BPTF: variants seen among roughly 807,000 people sequenced by gnomAD.
The protein encoded by BPTF is bromodomain PHD finger transcription factor, also known as nucleosome-remodeling factor subunit BPTF.
In BPTF, 18 loss-of-function variants were observed where a neutral mutation model predicts 292.5. The observed-to-expected ratio is 0.06, with a 90% CI of 0.04 to 0.09. The LOEUF is 0.09. Among genes scored for constraint, BPTF ranks in the 10% least tolerant of loss-of-function variants. The probability of loss-of-function intolerance (pLI) is 1.00; values close to 1 mark genes in which losing one functional copy is unlikely to be tolerated. For missense variants in BPTF, 2,726 were observed against 3,498.7 expected, an observed-to-expected ratio of 0.78 and a Z score of 5.57; for synonymous variants, 1,225 against 1,251.9, an observed-to-expected ratio of 0.98 and a Z score of 0.45.
At chr17:67,956,662 T>TAAAAAAAAA (rs76958906) in intron 23 of BPTF, 1 of 108,070 alleles carries the variant, frequency 9.3e-6, no homozygotes, top group Non-Finnish European at 1.9e-5. Context: ...CAGTTCTACT[T>TAAAAAAAAA]AAAAAAAAAA....
chr17:67,870,496 C>T (rs8080440), intron 3 of BPTF, among the ~76,000 whole-genome samples: 3,887 of 152,174 alleles, frequency 0.026, 187 homozygotes, highest in African/African-American at 0.088. Flanking sequence ...GATTAAAACA[C>T]CAGTTCACCA....
At position 67,911,600 on chromosome 17, in the gene BPTF, A is replaced by T; in HGVS notation, c.3716A>T (p.Gln1239Leu). 6.2e-7 allele frequency: 1 copy of T among 1,614,192 alleles called. No individual in the cohort carries two copies. The highest frequency in any genetic ancestry group is 8.5e-7 in the Non-Finnish European group (1 of 1,180,040). Residue 1239 changes from glutamine to leucine, a missense_variant, in exon 11 of 28, where the codon CAG becomes CTG. Around this residue, in one of 22 missense-constraint regions of BPTF, gnomAD observed 713 missense variants for 714.9 expected, o/e 1.00. Transcript: ENST00000306378. ...TGTAAGAACAAAAAACCGCTCATACAGGAGGAAAGTGACACCATTGTTTCT... is the reference window on the plus strand; with the variant it reads ...TGTAAGAACAAAAAACCGCTCATACTGGAGGAAAGTGACACCATTGTTTCT... ...LICKNKKPLI[Q>L]EESDTIVSSS...
chr17:67,935,880 A>G (rs895918645), intron 18 of BPTF, among the ~76,000 whole-genome samples: 1 of 152,202 alleles, frequency 6.6e-6, no homozygotes, highest in Non-Finnish European at 1.5e-5. Flanking sequence ...TTGTATAGGT[A>G]TCCTTGTAGT....
intron 1 of BPTF, among the ~76,000 whole-genome samples, chr17:67,833,085 C>G (rs1404418473): frequency 6.6e-6 from 1 of 152,056 alleles, no homozygotes; most frequent in African/African-American, 2.4e-5. Context: ...GCGTGAGCCA[C>G]TGCGCCCCGC....
intron 3 of BPTF, among the ~76,000 whole-genome samples, chr17:67,872,654 C>T (rs180983724): frequency 4.4e-4 from 66 of 150,988 alleles, no homozygotes; most frequent in African/African-American, 1.6e-3. Context: ...TGCAGTGAGT[C>T]GAGATCACGC....
chr17:67,974,297 A>C (rs1019635559), intron 26 of BPTF: 7 of 152,072 alleles, frequency 4.6e-5, no homozygotes, highest in Admixed American at 6.6e-5. Context: ...AGCAAAAAAA[A>C]AAACAAACTT....
At position 67,825,892 on chromosome 17, in the gene BPTF, T is replaced by G. The variant is rs1258133314; in HGVS notation, c.168T>G (p.Ala56=). ...SSRGRWAAAQ[A]EVAPKTRLSS... is the part of the protein sequence containing the mutation. ...GGGGCAGGTGGGCCGCCGCCCAGGC[T>G]GAGGTGGCGCCCAAGACGCGGCTGA... is the stretch of plus-strand genomic sequence containing the variant. The change falls in exon 1 of 28, where the codon GCT becomes GCG. Residue 56 remains alanine (A), a synonymous_variant. Coordinates refer to ENST00000306378, the MANE Select transcript of BPTF (RefSeq NM_182641.4). 2.0e-6 allele frequency: 2 copies of G among 1,014,758 alleles called. No individual in the cohort carries two copies. The highest frequency in any genetic ancestry group is 1.9e-4 in the East Asian group (2 of 10,508). The allele number at this position is 1,014,758 out of a possible 1,614,324, so 62.9% of individuals were successfully genotyped here. A position where few individuals can be genotyped will look rare whatever the true frequency, so the allele number is the denominator to read the frequency against.
rs1568074369 is a variant in BPTF at position 67,920,020 on chromosome 17, T to G, written c.5434T>G (p.Ser1812Ala). The change falls in exon 13 of 28, where the codon TCC becomes GCC. Residue 1812 changes from serine to alanine, a missense_variant. By Grantham distance (99) the Ser-to-Ala change is moderately conservative. Transcript: ENST00000306378. ...PGGGTTRTET[S>A]ETEITTTEII... is the part of the protein sequence containing the mutation. ...ATTGAATTAAATCACCATAGAAACA[T>G]CCGAAACTGAAATCACAACAACAGA... 3 of 1,609,820 alleles carry G rather than the reference T, an allele frequency of 1.9e-6. No individual in the cohort carries two copies. Among genetic ancestry groups the G allele is most frequent in the Non-Finnish European group, 2.5e-6 (3 of 1,177,786 alleles).
intron 18 of BPTF, among the ~76,000 whole-genome samples, chr17:67,935,974 A>G (rs890477642): frequency 8.5e-5 from 13 of 152,194 alleles, no homozygotes; most frequent in African/African-American, 3.1e-4. Flanking sequence ...GTGCTTATAA[A>G]TTGAATGTCT....
At chr17:67,841,749 T>G (rs1034559443) in intron 1 of BPTF, among the ~76,000 whole-genome samples, 4 of 152,268 alleles carry the variant, frequency 2.6e-5, no homozygotes, top group African/African-American at 9.6e-5. Flanking sequence ...TCTTTTAAAT[T>G]TAATCTGACA....
At chr17:67,961,803 GTC>G (rs2067524435) in intron 24 of BPTF, among the ~76,000 whole-genome samples, 1 of 151,994 alleles carries the variant, frequency 6.6e-6, no homozygotes, top group African/African-American at 2.4e-5. Flanking sequence ...GCAAAACCCT[GTC>G]TCTACTAAAA....
In BPTF at chr17:67,911,234, G is replaced by A. The variant is rs376335246; in HGVS notation, c.3350G>A (p.Ser1117Asn). ...ACGAAAGCAAAAGAAGGGTGTCAGA[G>A]TGACTCGATGAGACAAGAACAGAGC... ...VITKAKEGCQ[S>N]DSMRQEQSPN... The change falls in exon 11 of 28, where the codon AGT (serine) becomes AAT (asparagine). Residue 1117 changes from serine (S) to asparagine (N), a missense_variant. Ser to Asn is a conservative substitution (Grantham distance 46). Around this residue, in one of 22 missense-constraint regions of BPTF, gnomAD observed 713 missense variants for 714.9 expected, o/e 1.00. Coordinates refer to ENST00000306378, the MANE Select transcript of BPTF (RefSeq NM_182641.4). The A allele has an allele frequency of 1.2e-6, 2 of 1,613,888 alleles. No individual in the cohort carries two copies. The highest frequency in any genetic ancestry group is 1.7e-6 in the Non-Finnish European group (2 of 1,179,978).
In BPTF at chr17:67,826,426, G is replaced by T. The variant is rs1319559964; in HGVS notation, c.613+89G>T. 8.0e-5 allele frequency: 108 copies of T among 1,344,076 alleles called. 5 individuals carry two copies. In the South Asian group the frequency reaches 1.7e-3, roughly 21 times the overall value. 83.3% of individuals were successfully genotyped at this position (1,344,076 alleles called of 1,614,324 possible). A position where few individuals can be genotyped will look rare whatever the true frequency, so the allele number is the denominator to read the frequency against. ...ACTCGTGTGCTGTGCATCCTGCTCCGATCTCCCCCCAACCCCGCCTCCCCC... is the reference window on the plus strand; with the variant it reads ...ACTCGTGTGCTGTGCATCCTGCTCCTATCTCCCCCCAACCCCGCCTCCCCC... On this transcript the variant is annotated intron_variant, in intron 1 of 27. Transcript: ENST00000306378.
At chr17:67,965,827 C>T (rs1390365658) in intron 25 of BPTF, 1 of 152,042 alleles carries the variant, frequency 6.6e-6, no homozygotes, top group Non-Finnish European at 1.5e-5. Context: ...GAGGCCAGGG[C>T]AGGAGGATCA....
chr17:67,838,548 C>T lies in BPTF; in HGVS notation c.613+12211C>T, dbSNP rs576634362. ...CTGGAGTGCAGTGGCACAATCTTGG[C>T]TCACTGCAACCTCCACCTCTTAGGT... is the stretch of plus-strand genomic sequence containing the variant. On this transcript the variant is annotated intron_variant, in intron 1 of 27. Transcript: ENST00000306378. Among the ~76,000 whole-genome samples, 14 of 152,314 alleles carry T rather than the reference C, an allele frequency of 9.2e-5. No individual in the cohort carries two copies. In the South Asian group the frequency reaches 2.7e-3, roughly 29 times the overall value.
chr17:67,929,258 T>C, intron 16 of BPTF, 78 bp from the exon 17 acceptor site: 1 of 1,561,608 alleles, frequency 6.4e-7, no homozygotes, highest in Non-Finnish European at 8.7e-7. Context: ...ACACGTAGTT[T>C]CTCCTCAGCA....
intron 7 of BPTF, among the ~76,000 whole-genome samples, chr17:67,903,220 G>T (rs1407377147): frequency 2.0e-5 from 3 of 152,240 alleles, no homozygotes; most frequent in Admixed American, 6.5e-5. Context: ...CGCAGTGCTT[G>T]TGAGAATCAG....
chr17:67,964,319 A>G lies in BPTF; in HGVS notation c.8369A>G (p.Gln2790Arg). The change falls in exon 25 of 28, where the codon CAG becomes CGG. Residue 2790 changes from glutamine (Q) to arginine (R), a missense_variant. By Grantham distance (43) the Gln-to-Arg change is conservative. Around this residue, in one of 22 missense-constraint regions of BPTF, gnomAD observed 48 missense variants for 114.2 expected, o/e 0.42. Transcript: ENST00000306378. ...LIDEYVCPQC[Q>R]STEDAMTVLT... ...GATGAGTATGTCTGTCCACAGTGCC[A>G]GTCAACAGAGGATGCCATGACAGTG... 6.2e-7 allele frequency: 1 copy of G among 1,614,222 alleles called. No homozygotes were observed. Among genetic ancestry groups the G allele is most frequent in the Non-Finnish European group, 8.5e-7 (1 of 1,180,042 alleles).
intron 21 of BPTF, 60 bp from the exon 22 acceptor site, chr17:67,947,666 C>T: frequency 7.9e-7 from 1 of 1,268,812 alleles, no homozygotes; most frequent in East Asian, 2.6e-5. Flanking sequence ...CTGTTGTTAT[C>T]TGTGTACTAA....
Sources: gnomAD v4.1 joint callset for allele counts (sites outside exome capture counted in the v4.1 genomes callset) on GRCh38, gnomAD v4.1.1 for gene constraint, gnomAD v4.1.1 regional missense constraint, MANE v1.5 for transcripts, NCBI Gene and HGNC (gene_info 2026-07-23, HGNC 2026-07-21) for gene names.